The following LMX1A variants were observed in gnomAD, a reference collection of about 807,000 sequenced individuals.
The protein encoded by LMX1A is LIM homeobox transcription factor 1-alpha.
Under a neutral mutation model 49.1 loss-of-function variants are expected in LMX1A, and 15 were observed. The observed-to-expected ratio is 0.31, with a 90% CI of 0.20 to 0.47. The LOEUF (loss-of-function observed/expected upper bound fraction) is 0.47. Ranked by LOEUF, LMX1A falls within the 20% of genes least tolerant of loss-of-function variation. The pLI, the probability that LMX1A is intolerant of heterozygous loss-of-function variation, is 1.00. For synonymous variants in LMX1A, 167 were observed against 185.7 expected, an observed-to-expected ratio of 0.90 and a Z score of 0.82; for missense variants, 372 against 475.8, an observed-to-expected ratio of 0.78 and a Z score of 2.03.
chr1:165,276,661 C>CA (rs5778437), intron 3 of LMX1A, among the ~76,000 whole-genome samples: 8,775 of 72,834 alleles, frequency 0.12, 366 homozygotes, highest in Non-Finnish European at 0.16. Context: ...AAAGAAAAGT[C>CA]AAAAAAAAAA....
intron 3 of LMX1A, among the ~76,000 whole-genome samples, chr1:165,276,680 G>C (rs1048732444): frequency 6.6e-6 from 1 of 151,730 alleles, no homozygotes; most frequent in East Asian, 1.9e-4. Flanking sequence ...AAAAAATTAA[G>C]TGTGGCTGAT....
At chr1:165,210,535 C>T in intron 6 of LMX1A, 164 bp downstream of exon 6, 1 of 451,582 alleles carries the variant, frequency 2.2e-6, no homozygotes, top group Middle Eastern at 4.6e-4. Context: ...TTCTGCAGGG[C>T]TGCTGTGGCC....
intron 4 of LMX1A, among the ~76,000 whole-genome samples, chr1:165,219,406 C>T (rs909569930): frequency 6.6e-6 from 1 of 151,914 alleles, no homozygotes; most frequent in Non-Finnish European, 1.5e-5. Flanking sequence ...GTCTTTTAGA[C>T]AGGGGGAGTA....
intron 3 of LMX1A, among the ~76,000 whole-genome samples, chr1:165,313,471 C>CT (rs34912339): frequency 0.23 from 26,046 of 115,398 alleles, 2,254 homozygotes; most frequent in Non-Finnish European, 0.29. Flanking sequence ...CACCTTCTTC[C>CT]TTTTTTTTTT....
chr1:165,223,678 C>A (rs770209312), intron 4 of LMX1A, among the ~76,000 whole-genome samples: 1 of 152,142 alleles, frequency 6.6e-6, no homozygotes, highest in Non-Finnish European at 1.5e-5. Context: ...ACCCAGAGCA[C>A]GTGTTTGTCT....
intron 3 of LMX1A, among the ~76,000 whole-genome samples, chr1:165,299,787 AAGT>A (rs1654720980): frequency 6.6e-6 from 1 of 151,644 alleles, no homozygotes; most frequent in Non-Finnish European, 1.5e-5. Context: ...AAAAAAAAAA[AAGT>A]AGTAGTATTA....
At chr1:165,333,030 C>CT (rs1655793333) in intron 3 of LMX1A, among the ~76,000 whole-genome samples, 1 of 152,222 alleles carries the variant, frequency 6.6e-6, no homozygotes, top group Non-Finnish European at 1.5e-5. Context: ...GGGACCATCA[C>CT]TTAGCCTCTT....
intron 3 of LMX1A, among the ~76,000 whole-genome samples, chr1:165,344,331 C>T (rs1656170627): frequency 6.6e-6 from 1 of 152,152 alleles, no homozygotes; most frequent in South Asian, 2.1e-4. Flanking sequence ...TACCAGAGAA[C>T]ACATGCACAG....
intron 4 of LMX1A, among the ~76,000 whole-genome samples, chr1:165,246,611 G>A (rs2055595): frequency 0.25 from 37,696 of 152,140 alleles, 5,351 homozygotes; most frequent in East Asian, 0.56. Flanking sequence ...TATCTAAAGT[G>A]TAAACACTCA....
At chr1:165,231,359 A>G (rs1373597063) in intron 4 of LMX1A, among the ~76,000 whole-genome samples, 2 of 151,586 alleles carry the variant, frequency 1.3e-5, no homozygotes, top group Admixed American at 6.6e-5. Flanking sequence ...GCTGGAGTGC[A>G]GTGGTGCCAT....
intron 4 of LMX1A, among the ~76,000 whole-genome samples, chr1:165,228,995 C>T (rs1652147734): frequency 1.3e-5 from 2 of 152,238 alleles, no homozygotes; most frequent in South Asian, 4.2e-4. Flanking sequence ...CCACGTGTTG[C>T]ATCACCTCTA....
chr1:165,247,048 C>CTTTTTTTTTTTTTTTTTT (rs1204141626), intron 4 of LMX1A, among the ~76,000 whole-genome samples: 3 of 21,422 alleles, frequency 1.4e-4, no homozygotes, highest in Non-Finnish European at 2.4e-4. Flanking sequence ...ATCAGATCAG[C>CTTTTTTTTTTTTTTTTTT]TTTTTCTTTT....
chr1:165,276,673 AAAT>A (rs201776135), intron 3 of LMX1A, among the ~76,000 whole-genome samples: 9 of 151,590 alleles, frequency 5.9e-5, no homozygotes, highest in South Asian at 2.1e-4. Flanking sequence ...AAAAAAAAAA[AAAT>A]TAAGTGTGGC....
intron 3 of LMX1A, among the ~76,000 whole-genome samples, chr1:165,311,791 T>C (rs1655084698): frequency 6.6e-6 from 1 of 152,176 alleles, no homozygotes; most frequent in Admixed American, 6.5e-5. Flanking sequence ...CTTTGAAGGA[T>C]GATGGGGCAA....
At chr1:165,248,688 T>C (rs1487260556) in intron 4 of LMX1A, among the ~76,000 whole-genome samples, 1 of 152,130 alleles carries the variant, frequency 6.6e-6, no homozygotes, top group Admixed American at 6.5e-5. Context: ...AAGCCTTAGA[T>C]AGATTCCATC....
intron 6 of LMX1A, among the ~76,000 whole-genome samples, chr1:165,210,279 G>A (rs1465962972): frequency 6.6e-6 from 1 of 152,106 alleles, no homozygotes; most frequent in Non-Finnish European, 1.5e-5. Context: ...GTGAGGGCTG[G>A]GCCCTGGGAG....
At chr1:165,245,693 C>T (rs1181707117) in intron 4 of LMX1A, among the ~76,000 whole-genome samples, 5 of 151,698 alleles carry the variant, frequency 3.3e-5, no homozygotes, top group Admixed American at 1.3e-4. Flanking sequence ...TCTATTAATG[C>T]AGCATGTCTT....
At chr1:165,351,651 A>G (rs1656432309) in intron 3 of LMX1A, among the ~76,000 whole-genome samples, 1 of 152,242 alleles carries the variant, frequency 6.6e-6, no homozygotes, top group African/African-American at 2.4e-5. Context: ...ATGACAAAAG[A>G]AAATGCCTAG....
At chr1:165,309,232 C>G (rs751267165) in intron 3 of LMX1A, among the ~76,000 whole-genome samples, 3 of 152,124 alleles carry the variant, frequency 2.0e-5, no homozygotes, top group Non-Finnish European at 4.4e-5. Flanking sequence ...CAGCCCTTGG[C>G]ACACGCTGCT....
Sources: allele counts gnomAD v4.1 joint callset (sites outside exome capture counted in the v4.1 genomes callset), GRCh38; gene constraint gnomAD v4.1.1; transcripts MANE v1.5; gene names NCBI Gene and HGNC (gene_info 2026-07-23, HGNC 2026-07-21).